Variants in GRIK2 observed in about 807,000 individuals in gnomAD.
The protein encoded by GRIK2 is glutamate receptor ionotropic, kainate 2.
In GRIK2, 32 loss-of-function variants were observed where a neutral mutation model predicts 100.3. That is an observed-to-expected ratio of 0.32 (90% CI 0.24 to 0.43). The LOEUF (loss-of-function observed/expected upper bound fraction) is 0.43. Ranked by LOEUF, GRIK2 falls within the 20% of genes least tolerant of loss-of-function variation. The pLI, the probability that GRIK2 is intolerant of heterozygous loss-of-function variation, is 1.00. For synonymous variants in GRIK2, 417 were observed against 389.4 expected, an observed-to-expected ratio of 1.07 and a Z score of -0.83; for missense variants, 843 against 1,114.9, an observed-to-expected ratio of 0.76 and a Z score of 3.47.
intron 7 of GRIK2, among the ~76,000 whole-genome samples, chr6:101,765,946 T>C (rs1778021728): frequency 6.6e-6 from 1 of 152,134 alleles, no homozygotes; most frequent in South Asian, 2.1e-4. Flanking sequence ...TTTTTTATTG[T>C]ATCACAAAGC....
At chr6:101,539,630 TTCTTTTA>T (rs1181975280) in intron 2 of GRIK2, among the ~76,000 whole-genome samples, 3 of 151,796 alleles carry the variant, frequency 2.0e-5, no homozygotes, top group Non-Finnish European at 4.4e-5. Context: ...CTAGTGGGCC[TTCTTTTA>T]TCTTTTATTT....
At chr6:101,737,298 T>C (rs1051434085) in intron 7 of GRIK2, among the ~76,000 whole-genome samples, 13 of 152,160 alleles carry the variant, frequency 8.5e-5, no homozygotes, top group African/African-American at 2.9e-4. Context: ...TAGTTCCAAT[T>C]TACAGTATTA....
intron 7 of GRIK2, among the ~76,000 whole-genome samples, chr6:101,734,625 A>T (rs1321160759): frequency 6.6e-6 from 1 of 152,116 alleles, no homozygotes; most frequent in East Asian, 1.9e-4. Context: ...CATCACAGGG[A>T]GCCTAGAGGT....
Position 101,867,203 on chromosome 6 carries a change from C to A in GRIK2, c.1524+7710C>A, listed in dbSNP as rs558083578. Among the ~76,000 whole-genome samples, 14 of 151,978 alleles carry A rather than the reference C, an allele frequency of 9.2e-5. No individual in the cohort carries two copies. In the South Asian group the frequency reaches 2.1e-3, roughly 22 times the overall value. On this transcript the variant is annotated intron_variant, in intron 11 of 16. Transcript: ENST00000369134. ...GCCCTTTCTGAAGCAGTACCTCCCCCCAACACACCAAATTCTGCTACAACA... is the reference window on the plus strand; with the variant it reads ...GCCCTTTCTGAAGCAGTACCTCCCCACAACACACCAAATTCTGCTACAACA...
intron 14 of GRIK2, among the ~76,000 whole-genome samples, chr6:101,979,882 CAG>C (rs1254679588): frequency 1.3e-5 from 2 of 151,934 alleles, no homozygotes; most frequent in Non-Finnish European, 2.9e-5. Flanking sequence ...CCTGCTGCAG[CAG>C]AGAGTACGGT....
chr6:101,902,691 T>C (rs1337084678), intron 12 of GRIK2, among the ~76,000 whole-genome samples: 1 of 151,944 alleles, frequency 6.6e-6, no homozygotes, highest in East Asian at 1.9e-4. Context: ...TTTAACTATT[T>C]ACATGGAAAT....
chr6:101,850,218 TCAC>T (rs1562437699), intron 10 of GRIK2, among the ~76,000 whole-genome samples: 1 of 152,050 alleles, frequency 6.6e-6, no homozygotes, highest in Non-Finnish European at 1.5e-5. Context: ...GATTTCAAAT[TCAC>T]CACTAGATTG....
chr6:101,817,416 G>A (rs928926643), intron 9 of GRIK2, among the ~76,000 whole-genome samples: 4 of 152,142 alleles, frequency 2.6e-5, no homozygotes, highest in African/African-American at 4.8e-5. Flanking sequence ...AGAAAAATAA[G>A]TTGGATACTT....
intron 14 of GRIK2, among the ~76,000 whole-genome samples, chr6:102,011,175 G>A (rs942508882): frequency 3.3e-5 from 5 of 152,142 alleles, no homozygotes; most frequent in African/African-American, 9.7e-5. Flanking sequence ...ATGAGTGAGA[G>A]TTCTTGTTGT....
intron 10 of GRIK2, among the ~76,000 whole-genome samples, chr6:101,856,708 C>T (rs1272569043): frequency 6.6e-6 from 1 of 151,928 alleles, no homozygotes; most frequent in Non-Finnish European, 1.5e-5. Flanking sequence ...TTTATGTGAT[C>T]GAAGAGCACA....
In GRIK2 at chr6:101,530,918, C is replaced by T. The variant is rs1399049538; in HGVS notation, c.116-91031C>T. Among the ~76,000 whole-genome samples the T allele has an allele frequency of 4.6e-5, 7 of 151,804 alleles. 1 individual carries two copies. Among genetic ancestry groups the T allele is most frequent in the Admixed American group, 2.6e-4 (4 of 15,198 alleles). On this transcript the variant is annotated intron_variant, in intron 2 of 16. Transcript: ENST00000369134. ...GCAAAGGGGAGGAAAGAGCCATTGA[C>T]GAATACTGGTAGCATTAGCTTAAAT... is the stretch of plus-strand genomic sequence containing the variant.
At chr6:101,835,428 C>T (rs1562425618) in intron 10 of GRIK2, among the ~76,000 whole-genome samples, 1 of 150,528 alleles carries the variant, frequency 6.6e-6, no homozygotes, top group Non-Finnish European at 1.5e-5. Context: ...AAAAAACTAC[C>T]CATTATAAAA....
At chr6:101,780,067 A>C (rs985869700) in intron 7 of GRIK2, among the ~76,000 whole-genome samples, 1 of 152,128 alleles carries the variant, frequency 6.6e-6, no homozygotes, top group South Asian at 2.1e-4. Context: ...TTTTTAGTTT[A>C]CTTGGTTAAA....
chr6:101,924,646 C>T lies in GRIK2; in HGVS notation c.1794C>T (p.Asp598=), dbSNP rs752321887. The change falls in exon 13 of 17, where the codon GAC becomes GAT. Residue 598 remains aspartate (D), a synonymous_variant. Coordinates refer to ENST00000369134, the MANE Select transcript of GRIK2 (RefSeq NM_021956.5). ...ATAATCCACACCCTTGCAACCCTGA[C>T]TCAGACGTGGTGGAAAACAATTTTA... ...EWYNPHPCNP[D]SDVVENNFTL... The T allele has an allele frequency of 6.2e-7, 1 of 1,611,658 alleles. No individual in the cohort carries two copies. Among genetic ancestry groups the T allele is most frequent in the Non-Finnish European group, 8.5e-7 (1 of 1,177,738 alleles).
intron 11 of GRIK2, among the ~76,000 whole-genome samples, chr6:101,861,060 T>C (rs945722352): frequency 6.6e-6 from 1 of 152,178 alleles, no homozygotes; most frequent in African/African-American, 2.4e-5. Context: ...AAATCCTAAT[T>C]CTTCAACTAT....
chr6:101,448,165 A>G (rs1182956437), intron 2 of GRIK2, among the ~76,000 whole-genome samples: 1 of 151,690 alleles, frequency 6.6e-6, no homozygotes. Context: ...TATGTTTTAC[A>G]TAGGTTTTCC....
chr6:101,804,497 T>A (rs185942466), intron 9 of GRIK2, among the ~76,000 whole-genome samples: 1 of 152,106 alleles, frequency 6.6e-6, no homozygotes, highest in African/African-American at 2.4e-5. Flanking sequence ...AAACAGTTTG[T>A]GACAGAAGGC....
At chr6:101,673,192 G>A (rs755843234) in intron 4 of GRIK2, among the ~76,000 whole-genome samples, 1 of 152,056 alleles carries the variant, frequency 6.6e-6, no homozygotes, top group Non-Finnish European at 1.5e-5. Flanking sequence ...TTTAAAAATG[G>A]GCAAAAGACA....
chr6:101,828,046 T>C (rs1221875767), intron 10 of GRIK2, among the ~76,000 whole-genome samples: 3 of 151,918 alleles, frequency 2.0e-5, no homozygotes, highest in African/African-American at 7.2e-5. Context: ...CAAGTCTCAA[T>C]AAGTTTTAAA....
Sources: allele counts gnomAD v4.1 joint callset (sites outside exome capture counted in the v4.1 genomes callset), GRCh38; gene constraint gnomAD v4.1.1; transcripts MANE v1.5; gene names NCBI Gene and HGNC (gene_info 2026-07-23, HGNC 2026-07-21).